Variants in RXFP2 observed in about 807,000 individuals in gnomAD.
RXFP2 encodes the protein relaxin family peptide receptor 2.
In RXFP2, 68 loss-of-function variants were observed where a neutral mutation model predicts 88.6. The observed-to-expected ratio is 0.77, with a 90% CI of 0.63 to 0.94. The LOEUF is 0.94. Ranked by LOEUF, RXFP2 falls within the 40% of genes least tolerant of loss-of-function variation. The probability of loss-of-function intolerance (pLI) is 0.00; values close to 1 mark genes in which losing one functional copy is unlikely to be tolerated. For missense variants in RXFP2, 791 were observed against 893.9 expected, an observed-to-expected ratio of 0.88 and a Z score of 1.47; for synonymous variants, 329 against 306.8, an observed-to-expected ratio of 1.07 and a Z score of -0.76.
At chr13:31,747,754 A>G (rs1305981816) in intron 1 of RXFP2, among the ~76,000 whole-genome samples, 1 of 152,252 alleles carries the variant, frequency 6.6e-6, no homozygotes, top group Admixed American at 6.5e-5. Flanking sequence ...TAGTATAATA[A>G]TAATGACATG....
intron 11 of RXFP2, among the ~76,000 whole-genome samples, chr13:31,786,018 CAA>C (rs1873520785): frequency 6.6e-6 from 1 of 152,132 alleles, no homozygotes; most frequent in East Asian, 1.9e-4. Flanking sequence ...GTTGGATAAA[CAA>C]GAGACCACGT....
chr13:31,771,064 G>T (rs533550831), intron 5 of RXFP2, among the ~76,000 whole-genome samples: 6 of 152,198 alleles, frequency 3.9e-5, no homozygotes, highest in Non-Finnish European at 4.4e-5. Flanking sequence ...ATGATGGAGC[G>T]TATGCCGGAG....
chr13:31,793,430 T>A (rs941793982), intron 16 of RXFP2, among the ~76,000 whole-genome samples: 2 of 127,602 alleles, frequency 1.6e-5, no homozygotes, highest in African/African-American at 5.6e-5. Flanking sequence ...TTATTTAAAC[T>A]CTTTTTTTTT....
chr13:31,767,579 A>G (rs1872595960), intron 5 of RXFP2, among the ~76,000 whole-genome samples: 1 of 152,244 alleles, frequency 6.6e-6, no homozygotes, highest in Non-Finnish European at 1.5e-5. Flanking sequence ...CTTGTTTCAC[A>G]GCAATTGAAA....
intron 17 of RXFP2, among the ~76,000 whole-genome samples, chr13:31,801,138 T>C (rs1181143721): frequency 6.6e-6 from 1 of 151,686 alleles, no homozygotes; most frequent in Non-Finnish European, 1.5e-5. Context: ...GGCTGAAGGA[T>C]AAAAAAAATT....
chr13:31,755,290 C>G (rs1332157757), intron 1 of RXFP2, among the ~76,000 whole-genome samples: 3 of 152,248 alleles, frequency 2.0e-5, no homozygotes, highest in East Asian at 3.9e-4. Context: ...CCCTTCTCAA[C>G]TGAATAAGAT....
Position 31,791,852 on chromosome 13 carries a change from A to G in RXFP2, c.1192A>G (p.Ile398Val). Reference sequence around the variant, plus strand: ...CTGCTCCTATGCTCCCCATGTCCGAATATGTATGCCCTTGACGGACGGCAT... The same window carrying G: ...CTGCTCCTATGCTCCCCATGTCCGAGTATGTATGCCCTTGACGGACGGCAT... Reference protein sequence around the residue: ...RYCSYAPHVRICMPLTDGISS... With the variant: ...RYCSYAPHVRVCMPLTDGISS... Residue 398 changes from isoleucine (I) to valine (V), a missense_variant, in exon 15 of 18, where the codon ATA (isoleucine) becomes GTA (valine). Transcript: ENST00000298386. 6.2e-7 allele frequency: 1 copy of G among 1,614,080 alleles called. No individual in the cohort carries two copies. Among genetic ancestry groups the G allele is most frequent in the Non-Finnish European group, 8.5e-7 (1 of 1,179,986 alleles).
At chr13:31,760,359 G>C (rs1872248704) in intron 2 of RXFP2, among the ~76,000 whole-genome samples, 1 of 152,164 alleles carries the variant, frequency 6.6e-6, no homozygotes, top group Non-Finnish European at 1.5e-5. Flanking sequence ...CCAAAGTGCT[G>C]GGATTACAGG....
At position 31,748,533 on chromosome 13, in the gene RXFP2, C is replaced by T. The variant is rs1025987703; in HGVS notation, c.94+8827C>T. Among the ~76,000 whole-genome samples, 97 of 152,146 alleles carry T rather than the reference C, an allele frequency of 6.4e-4. 1 individual carries two copies. Among genetic ancestry groups the T allele is most frequent in the Admixed American group, 6.2e-3 (95 of 15,268 alleles). On this transcript the variant is annotated intron_variant, in intron 1 of 17. Coordinates refer to ENST00000298386, the MANE Select transcript of RXFP2 (RefSeq NM_130806.5). ...TTTTCGTCATTCAGATATCCTCTTT[C>T]GTTCGGTACCTATTCAAGTCTCTTG...
intron 1 of RXFP2, among the ~76,000 whole-genome samples, chr13:31,746,131 C>T (rs1354045085): frequency 1.3e-5 from 2 of 152,210 alleles, no homozygotes; most frequent in Non-Finnish European, 2.9e-5. Context: ...TTCCAGAACT[C>T]CAGCCCCTGA....
At chr13:31,784,420 C>T (rs1384325933) in intron 11 of RXFP2, among the ~76,000 whole-genome samples, 2 of 152,194 alleles carry the variant, frequency 1.3e-5, no homozygotes, top group Non-Finnish European at 2.9e-5. Context: ...GCAACAAACC[C>T]ATCCAGGGAG....
At chr13:31,785,912 A>G (rs1873515572) in intron 11 of RXFP2, among the ~76,000 whole-genome samples, 1 of 152,246 alleles carries the variant, frequency 6.6e-6, no homozygotes, top group African/African-American at 2.4e-5. Flanking sequence ...GTGTGAACTT[A>G]TTCAAGATTA....
chr13:31,761,053 C>G (rs1236496516), intron 2 of RXFP2, among the ~76,000 whole-genome samples: 2 of 152,156 alleles, frequency 1.3e-5, no homozygotes, highest in Non-Finnish European at 2.9e-5. Flanking sequence ...CTCCTGGGCT[C>G]AAGCTATCCT....
Position 31,739,558 on chromosome 13 carries a change from G to T in RXFP2, c.-55G>T. 1 of 1,147,396 alleles carries T rather than the reference G, an allele frequency of 8.7e-7. No homozygotes were observed. The highest frequency in any genetic ancestry group is 1.2e-5 in the South Asian group (1 of 81,502). The allele number at this position is 1,147,396 out of a possible 1,614,324, so 71.1% of individuals were successfully genotyped here. On this transcript the variant is annotated 5_prime_UTR_variant, in exon 1 of 18. An upstream open reading frame in the 5' UTR gains an earlier in-frame stop. Transcript: ENST00000298386. ...GGGAGGCACTGAACTTACTACATCA[G>T]AACTCCTGCTGAGGTATAAGAGGAT...
intron 1 of RXFP2, among the ~76,000 whole-genome samples, chr13:31,740,075 C>T (rs9603607): frequency 0.5 from 75,483 of 151,824 alleles, 19,691 homozygotes; most frequent in Non-Finnish European, 0.59. Flanking sequence ...TTGAAATATG[C>T]CCATAAAATT....
chr13:31,782,606 C>T, intron 10 of RXFP2, 70 bp from the exon 11 acceptor site: 2 of 1,108,150 alleles, frequency 1.8e-6, no homozygotes, highest in Non-Finnish European at 1.4e-6. Context: ...GGATCAGTGG[C>T]CTCTCCCAAT....
Position 31,743,455 on chromosome 13 carries a change from G to A in RXFP2, c.94+3749G>A, listed in dbSNP as rs558096756. 1.1e-4 allele frequency among the ~76,000 whole-genome samples: 17 copies of A among 148,756 alleles called. No individual in the cohort carries two copies. The East Asian group carries it at 1.6e-3, about 14-fold the overall frequency. On this transcript the variant is annotated intron_variant, in intron 1 of 17. Coordinates refer to ENST00000298386, the MANE Select transcript of RXFP2 (RefSeq NM_130806.5). The stretch of plus-strand genomic sequence containing the variant: ...TGTACTCCAGCCTGGGCGACAGAGC[G>A]AGACTCTGTCTCAAAATTAAAAAAA...
At chr13:31,741,106 G>A (rs1350116382) in intron 1 of RXFP2, among the ~76,000 whole-genome samples, 7 of 151,794 alleles carry the variant, frequency 4.6e-5, no homozygotes, top group East Asian at 1.9e-4. Context: ...TGCTTAAACC[G>A]TTTATGAGAT....
chr13:31,786,669 A>T (rs376490288), intron 13 of RXFP2, 32 bp downstream of exon 13: 1 of 1,311,730 alleles, frequency 7.6e-7, no homozygotes. Flanking sequence ...TATTGATTAT[A>T]ATTTTAGTGG....
Sources: gnomAD v4.1 joint callset for allele counts (sites outside exome capture counted in the v4.1 genomes callset) on GRCh38, gnomAD v4.1.1 for gene constraint, MANE v1.5 for transcripts, NCBI Gene and HGNC (gene_info 2026-07-23, HGNC 2026-07-21) for gene names.